Variants in SCRG1 observed in about 807,000 individuals in gnomAD.
SCRG1 encodes scrapie-responsive protein 1.
SCRG1 carries 3 observed loss-of-function variants against 7.7 expected under a neutral mutation model. That is an observed-to-expected ratio of 0.39 (90% confidence interval 0.18 to 1.01). The LOEUF (loss-of-function observed/expected upper bound fraction) is 1.01. Ranked by LOEUF, SCRG1 falls within the 50% of genes least tolerant of loss-of-function variation. The pLI, the probability that SCRG1 is intolerant of heterozygous loss-of-function variation, is 0.36. For missense variants in SCRG1, 110 were observed against 117.2 expected (o/e 0.94, Z 0.28); for synonymous variants, 46 against 41.2 (o/e 1.12, Z -0.44).
chr4:173,414,586 C>T, the SCRG1 span, among the ~76,000 whole-genome samples: 1 of 152,144 alleles, frequency 6.6e-6, no homozygotes, highest in Non-Finnish European at 1.5e-5. Flanking sequence ...CTCATGCCCT[C>T]TTGATCATGT....
chr4:173,495,750 A>G, the SCRG1 span, among the ~76,000 whole-genome samples: 1 of 152,254 alleles, frequency 6.6e-6, no homozygotes, highest in Non-Finnish European at 1.5e-5. Context: ...TCATCCTCAT[A>G]TCCAGCAAAC....
the SCRG1 span, among the ~76,000 whole-genome samples, chr4:173,412,679 C>T: frequency 2.0e-5 from 3 of 152,190 alleles, no homozygotes; most frequent in Non-Finnish European, 1.5e-5. Context: ...TTTACTGTTG[C>T]GTCCCACTGC....
chr4:173,500,330 C>T, the SCRG1 span, among the ~76,000 whole-genome samples: 3 of 152,226 alleles, frequency 2.0e-5, no homozygotes, highest in Admixed American at 2.0e-4. Context: ...GGGGTGCACC[C>T]GGAGGCCTCC....
the SCRG1 span, among the ~76,000 whole-genome samples, chr4:173,463,665 A>C: frequency 6.6e-6 from 1 of 152,204 alleles, no homozygotes; most frequent in Non-Finnish European, 1.5e-5. Flanking sequence ...ATTAGCTCCA[A>C]ATAAACTCTT....
At chr4:173,391,504 G>A in intron 1 of SCRG1, 76 bp from the exon 2 acceptor site, 1 of 1,454,142 alleles carries the variant, frequency 6.9e-7, no homozygotes. Context: ...AAGTTCTGTA[G>A]CATGCTTATA....
the SCRG1 span, among the ~76,000 whole-genome samples, chr4:173,494,769 G>T: frequency 6.6e-5 from 10 of 152,250 alleles, no homozygotes; most frequent in African/African-American, 2.4e-4. Flanking sequence ...ATCCAGAAAC[G>T]TCTCTTGGTA....
the SCRG1 span, among the ~76,000 whole-genome samples, chr4:173,423,586 C>T: frequency 6.6e-6 from 1 of 151,920 alleles, no homozygotes; most frequent in Admixed American, 6.6e-5. Flanking sequence ...ATAAAAAAAC[C>T]TTTTATTTGT....
the SCRG1 span, among the ~76,000 whole-genome samples, chr4:173,517,561 C>G: frequency 6.6e-6 from 1 of 152,154 alleles, no homozygotes; most frequent in South Asian, 2.1e-4. Context: ...CTGCAAGTAA[C>G]TGCGTACATC....
chr4:173,459,477 T>C, the SCRG1 span, among the ~76,000 whole-genome samples: 3 of 152,178 alleles, frequency 2.0e-5, no homozygotes, highest in African/African-American at 7.2e-5. Context: ...AACTCTTGAA[T>C]ACATGAAAAC....
At chr4:173,389,570 A>C (rs1578959375) in intron 2 of SCRG1, 1 of 198,508 alleles carries the variant, frequency 5.0e-6, no homozygotes, top group Admixed American at 4.9e-5. Flanking sequence ...CAAACAAACA[A>C]ACAACCATAA....
chr4:173,438,731 G>T, the SCRG1 span, among the ~76,000 whole-genome samples: 2 of 147,494 alleles, frequency 1.4e-5, no homozygotes, highest in Middle Eastern at 3.5e-3. Context: ...TTTTAATTCA[G>T]TTTTTTTTTT....
At chr4:173,405,946 T>G (rs1351367371) in intron 1 of SCRG1, among the ~76,000 whole-genome samples, 1 of 152,248 alleles carries the variant, frequency 6.6e-6, no homozygotes, top group Non-Finnish European at 1.5e-5. Context: ...TCACTAGTAC[T>G]GGTGTGTCAT....
At chr4:173,462,482 A>G in the SCRG1 span, among the ~76,000 whole-genome samples, 34 of 152,292 alleles carry the variant, frequency 2.2e-4, 1 homozygote, top group South Asian at 7.0e-3. Flanking sequence ...AACGTGAAGG[A>G]GAAATAAAGA....
At chr4:173,391,575 A>G in intron 1 of SCRG1, 147 bp from the exon 2 acceptor site, 1 of 816,216 alleles carries the variant, frequency 1.2e-6, no homozygotes, top group Non-Finnish European at 1.9e-6. Flanking sequence ...TGTTTCTCAA[A>G]GTGTAGTTTT....
the SCRG1 span, among the ~76,000 whole-genome samples, chr4:173,476,354 G>GAAAAAAAAAA: frequency 8.9e-4 from 62 of 70,042 alleles, no homozygotes; most frequent in Non-Finnish European, 1.6e-3. Flanking sequence ...CTCTGAGGGG[G>GAAAAAAAAAA]AAAAAAAAAA....
the SCRG1 span, among the ~76,000 whole-genome samples, chr4:173,473,745 C>T: frequency 6.6e-6 from 1 of 152,128 alleles, no homozygotes; most frequent in Non-Finnish European, 1.5e-5. Context: ...GGGTTGCAGC[C>T]ACCACATCCC....
Position 173,387,705 on chromosome 4 carries a change from C to CTTTTTT in SCRG1, c.*630_*635dup, listed in dbSNP as rs749325462. On this transcript the variant is annotated 3_prime_UTR_variant, in exon 3 of 3. Coordinates refer to ENST00000296506, the MANE Select transcript of SCRG1 (RefSeq NM_007281.4). The stretch of plus-strand genomic sequence containing the variant: ...TACCCTCAAATATTGTTCCCTTTTC[C>CTTTTTT]TTTTTTTTTTTTTTTTTTTTTTTTC... 30 of 66,968 alleles carry CTTTTTT rather than the reference C, an allele frequency of 4.5e-4. No individual in the cohort carries two copies. Among genetic ancestry groups the CTTTTTT allele is most frequent in the South Asian group, 6.4e-4 (1 of 1,572 alleles). The allele number at this position is 66,968 out of a possible 1,614,324, so 4.1% of individuals were successfully genotyped here. A position where few individuals can be genotyped will look rare whatever the true frequency, so the allele number is the denominator to read the frequency against.
chr4:173,483,541 TATA>T, the SCRG1 span, among the ~76,000 whole-genome samples: 1 of 95,612 alleles, frequency 1.0e-5, no homozygotes, highest in Non-Finnish European at 1.8e-5. Flanking sequence ...TATTATGATA[TATA>T]ATATATATTA....
chr4:173,494,389 G>A, the SCRG1 span, among the ~76,000 whole-genome samples: 1 of 152,176 alleles, frequency 6.6e-6, no homozygotes, highest in Non-Finnish European at 1.5e-5. Context: ...TTTTCCTTTA[G>A]GGTTGCCGTC....
Sources: gnomAD v4.1 joint callset for allele counts (sites outside exome capture counted in the v4.1 genomes callset) on GRCh38, gnomAD v4.1.1 for gene constraint, MANE v1.5 for transcripts, NCBI Gene and HGNC (gene_info 2026-07-23, HGNC 2026-07-21) for gene names.